Variants in STAT4 observed in about 807,000 individuals in gnomAD.
STAT4 encodes the protein signal transducer and activator of transcription 4.
In STAT4, 42 loss-of-function variants were observed where a neutral mutation model predicts 110.5. The ratio of observed to expected loss-of-function variants is 0.38; its 90% CI spans 0.30 to 0.49. The LOEUF (loss-of-function observed/expected upper bound fraction) is 0.49. STAT4 is among the 20% of genes least tolerant of loss of function. The probability of loss-of-function intolerance (pLI) is 0.95; values close to 1 mark genes in which losing one functional copy is unlikely to be tolerated. For synonymous variants in STAT4, 284 were observed against 302.2 expected (o/e 0.94, Z 0.63); for missense variants, 632 against 887.9 (o/e 0.71, Z 3.66).
At chr2:191,132,007 T>C (rs948722426) in intron 3 of STAT4, 2 of 1,202,498 alleles carry the variant, frequency 1.7e-6, no homozygotes, top group Non-Finnish European at 1.1e-6. Context: ...CGCCATTCAT[T>C]CCACACTAAA....
chr2:191,131,873 G>A (rs763763032), intron 3 of STAT4: 6 of 1,459,260 alleles, frequency 4.1e-6, no homozygotes, highest in Admixed American at 2.7e-5. Flanking sequence ...CGATCCAAGG[G>A]CAGCTGTGCT....
intron 3 of STAT4, among the ~76,000 whole-genome samples, chr2:191,101,062 C>T (rs1698137741): frequency 2.0e-5 from 3 of 152,056 alleles, no homozygotes; most frequent in Admixed American, 1.3e-4. Context: ...CTGCCTTTCT[C>T]TCCTAAGGGG....
chr2:191,129,136 CA>C (rs1212549055), intron 3 of STAT4, among the ~76,000 whole-genome samples: 4 of 151,810 alleles, frequency 2.6e-5, no homozygotes, highest in African/African-American at 7.3e-5. Flanking sequence ...ATGATATTTA[CA>C]AAAGGCATAC....
intron 3 of STAT4, among the ~76,000 whole-genome samples, chr2:191,100,661 C>T (rs1369183539): frequency 1.3e-5 from 2 of 152,050 alleles, no homozygotes; most frequent in South Asian, 2.1e-4. Context: ...CCCCTCAGTA[C>T]CTTGCTCATT....
In STAT4 at chr2:191,076,226, C is replaced by T; in HGVS notation, c.372+1G>A. 6.2e-7 allele frequency: 1 copy of T among 1,612,154 alleles called. No individual in the cohort carries two copies. The highest frequency in any genetic ancestry group is 8.5e-7 in the Non-Finnish European group (1 of 1,178,558). Reference sequence around the variant, plus strand: ...AAGATCACAAGGTCAGAAAATATTACCTGGACAGGCATGTTGGCTGCAGCC... The same window carrying T: ...AAGATCACAAGGTCAGAAAATATTATCTGGACAGGCATGTTGGCTGCAGCC... On this transcript the variant is annotated splice_donor_variant, in intron 4 of 23. Coordinates refer to ENST00000392320, the MANE Select transcript of STAT4 (RefSeq NM_003151.4). LOFTEE classifies it high-confidence loss of function.
At chr2:191,100,226 T>C (rs1201464286) in intron 3 of STAT4, among the ~76,000 whole-genome samples, 1 of 152,160 alleles carries the variant, frequency 6.6e-6, no homozygotes, top group Non-Finnish European at 1.5e-5. Context: ...ACATTTTCCA[T>C]GGAACAAAAA....
Position 191,142,549 on chromosome 2 carries a change from G to A in STAT4, c.273+4064C>T, listed in dbSNP as rs1699364472. Among the ~76,000 whole-genome samples, 1 of 152,040 alleles carries A rather than the reference G, an allele frequency of 6.6e-6. No homozygotes were observed. The highest frequency in any genetic ancestry group is 2.1e-4 in the South Asian group (1 of 4,806). ...GATTAAGTTCTAACATTCTATAGCA[G>A]GGTTAATATAGTTAACAACAATGTA... On this transcript the variant is annotated intron_variant, in intron 3 of 23. Coordinates refer to ENST00000392320, the MANE Select transcript of STAT4 (RefSeq NM_003151.4). The surrounding 1 kb of genome is among the most constrained non-coding windows in gnomAD (Gnocchi z 4.1).
intron 14 of STAT4, 128 bp downstream of exon 14, chr2:191,054,362 T>C: frequency 3.9e-6 from 3 of 773,390 alleles, no homozygotes; most frequent in Non-Finnish European, 6.2e-6. Context: ...ATTATCAAGC[T>C]TTACATCTAT....
chr2:191,105,214 T>C (rs1559069167), intron 3 of STAT4, among the ~76,000 whole-genome samples: 1 of 152,188 alleles, frequency 6.6e-6, no homozygotes, highest in Non-Finnish European at 1.5e-5. Context: ...GTTCCCTGCT[T>C]TTGCCCTTGC....
Position 191,058,108 on chromosome 2 carries a change from G to A in STAT4, c.1116C>T (p.Asn372=). 6.2e-7 allele frequency: 1 copy of A among 1,613,836 alleles called. No individual in the cohort carries two copies. The highest frequency in any genetic ancestry group is 8.5e-7 in the Non-Finnish European group (1 of 1,179,872). Reference sequence around the variant, plus strand: ...TAGTTCCACAAAGTACAAATCTTCGGTTGCTGGAGAGGAAATCTTAGCTAT... The same window carrying A: ...TAGTTCCACAAAGTACAAATCTTCGATTGCTGGAGAGGAAATCTTAGCTAT... ...SIDKNVSTLS[N]RRFVLCGTNV... Residue 372 remains asparagine, a synonymous_variant, in exon 13 of 24, where the codon AAC becomes AAT. Transcript: ENST00000392320. The surrounding 1 kb of genome is among the most constrained non-coding windows in gnomAD (Gnocchi z 4.3).
rs1278964939 is a variant in STAT4, at chr2:191,077,514, A to G, written c.274-1189T>C. Among the ~76,000 whole-genome samples, 1 of 152,218 alleles carries G rather than the reference A, an allele frequency of 6.6e-6. No homozygotes were observed. The highest frequency in any genetic ancestry group is 1.5e-5 in the Non-Finnish European group (1 of 68,032). ...CTCCCTGAAGCTGGTGTGAATATAT[A>G]TGAAATGACCAAAAGGTTAGCAGCA... On this transcript the variant is annotated intron_variant, in intron 3 of 23. Transcript: ENST00000392320. The surrounding 1 kb of genome is among the most constrained non-coding windows in gnomAD (Gnocchi z 4.1).
Position 191,149,507 on chromosome 2 carries a change from A to G in STAT4, c.-1-1303T>C, listed in dbSNP as rs1343631232. 3.3e-5 allele frequency among the ~76,000 whole-genome samples: 5 copies of G among 152,232 alleles called. No individual in the cohort carries two copies. The East Asian group carries it at 9.6e-4, about 29-fold the overall frequency. ...TCAATCAATGCTTGTTAAATGAAGA[A>G]TGAGTGGCACTCCTGACATTGCTAT... On this transcript the variant is annotated intron_variant, in intron 1 of 23. Coordinates refer to ENST00000392320, the MANE Select transcript of STAT4 (RefSeq NM_003151.4).
rs1699474985 is a variant in STAT4 at position 191,146,844 on chromosome 2, C to A, written c.129-87G>T. On this transcript the variant is annotated intron_variant, in intron 2 of 23. Coordinates refer to ENST00000392320, the MANE Select transcript of STAT4 (RefSeq NM_003151.4). The surrounding 1 kb of genome is among the most constrained non-coding windows in gnomAD (Gnocchi z 4.5). ...CCATACTAACTTTAAAACAATAAAC[C>A]TATTACATGGTGATAAGCATTTAAA... 2 of 1,276,524 alleles carry A rather than the reference C, an allele frequency of 1.6e-6. No individual in the cohort carries two copies. Among genetic ancestry groups the A allele is most frequent in the Non-Finnish European group, 2.1e-6 (2 of 969,770 alleles). 79.1% of individuals were successfully genotyped at this position (1,276,524 alleles called of 1,614,324 possible). A position where few individuals can be genotyped will look rare whatever the true frequency, so the allele number is the denominator to read the frequency against.
chr2:191,071,389 C>T (rs1446150913), intron 5 of STAT4, among the ~76,000 whole-genome samples: 1 of 152,110 alleles, frequency 6.6e-6, no homozygotes, highest in African/African-American at 2.4e-5. Context: ...ACTCATGGAA[C>T]CTACATGCAT....
At position 191,142,881 on chromosome 2, in the gene STAT4, T is replaced by C. The variant is rs923334926; in HGVS notation, c.273+3732A>G. Reference sequence around the variant, plus strand: ...TTTCAGGGGCCATGAAACTCTCTAGTATGATATTGTAATGGTAGATATATG... The same window carrying C: ...TTTCAGGGGCCATGAAACTCTCTAGCATGATATTGTAATGGTAGATATATG... On this transcript the variant is annotated intron_variant, in intron 3 of 23. Transcript: ENST00000392320. This position sits in a 1 kb window ranked among gnomAD's most constrained non-coding sequence, Gnocchi z 4.1. Among the ~76,000 whole-genome samples, 1 of 152,182 alleles carries C rather than the reference T, an allele frequency of 6.6e-6. No homozygotes were observed. Among genetic ancestry groups the C allele is most frequent in the African/African-American group, 2.4e-5 (1 of 41,448 alleles).
At position 191,030,261 on chromosome 2, in the gene STAT4, A is replaced by T. The variant is rs1480408182; in HGVS notation, c.2221-395T>A. Among the ~76,000 whole-genome samples the T allele has an allele frequency of 1.3e-5, 2 of 152,358 alleles. No individual in the cohort carries two copies. Among genetic ancestry groups the T allele is most frequent in the East Asian group, 3.9e-4 (2 of 5,188 alleles). ...AAGAGAAGGACTAAAAGCCAGCCAG[A>T]TAAAAATTTTTTGAGGCTTAGGGTC... On this transcript the variant is annotated intron_variant, in intron 23 of 23. Transcript: ENST00000392320. This position sits in a 1 kb window ranked among gnomAD's most constrained non-coding sequence, Gnocchi z 4.4.
intron 8 of STAT4, 132 bp downstream of exon 8, chr2:191,064,675 C>G: frequency 9.1e-7 from 1 of 1,101,960 alleles, no homozygotes; most frequent in South Asian, 1.8e-5. Flanking sequence ...GTAGATTTCT[C>G]AGCTGCTAAT....
chr2:191,119,264 G>A (rs1042859207), intron 3 of STAT4, among the ~76,000 whole-genome samples: 4 of 152,156 alleles, frequency 2.6e-5, no homozygotes, highest in African/African-American at 9.7e-5. Context: ...ACACCCTTGG[G>A]GTCATTCTTT....
At position 191,099,944 on chromosome 2, in the gene STAT4, A is replaced by AT. The variant is rs1207186069; in HGVS notation, c.274-23620dup. ...TCTTATTTCAGTGGAATTTCAGGGG[A>AT]TTTTTTTTCTTTCTTCTTAGACTTT... On this transcript the variant is annotated intron_variant, in intron 3 of 23. Transcript: ENST00000392320. The surrounding 1 kb of genome is among the most constrained non-coding windows in gnomAD (Gnocchi z 4.1). 2.6e-5 allele frequency among the ~76,000 whole-genome samples: 4 copies of AT among 151,874 alleles called. No homozygotes were observed. The highest frequency in any genetic ancestry group is 9.7e-5 in the African/African-American group (4 of 41,360).
Sources: gnomAD v4.1 joint callset for allele counts (sites outside exome capture counted in the v4.1 genomes callset) on GRCh38, gnomAD v4.1.1 for gene constraint, Gnocchi (gnomAD v3.1) non-coding constraint, MANE v1.5 for transcripts, NCBI Gene and HGNC (gene_info 2026-07-23, HGNC 2026-07-21) for gene names.